The following C21orf91 variants were observed in gnomAD, a reference collection of about 807,000 sequenced individuals.
The protein encoded by C21orf91 is protein EURL homolog.
Under a neutral mutation model 32.9 loss-of-function variants are expected in C21orf91, and 26 were observed. The observed-to-expected ratio is 0.79, with a 90% CI of 0.58 to 1.10. The LOEUF (loss-of-function observed/expected upper bound fraction) is 1.10. C21orf91 is among the 50% of genes least tolerant of loss of function. The pLI, the probability that C21orf91 is intolerant of heterozygous loss-of-function variation, is 0.00. For synonymous variants in C21orf91, 126 were observed against 120.4 expected (o/e 1.05, Z -0.31); for missense variants, 310 against 341.3 (o/e 0.91, Z 0.72).
In C21orf91 at chr21:17,797,096, C is replaced by A; in HGVS notation, c.150G>T (p.Leu50Phe). 1 of 1,595,454 alleles carries A rather than the reference C, an allele frequency of 6.3e-7. No individual in the cohort carries two copies. The highest frequency in any genetic ancestry group is 8.5e-7 in the Non-Finnish European group (1 of 1,172,606). The part of the protein sequence containing the change: ...NIEGVPKSDL[L>F]HTKSLRGHKD... Reference sequence around the variant, plus strand: ...TATGGCCCCTTAATGATTTGGTGTGCAAGAGATCAGACTTTGGTACCCCTA... The same window carrying A: ...TATGGCCCCTTAATGATTTGGTGTGAAAGAGATCAGACTTTGGTACCCCTA... The change falls in exon 3 of 5, where the codon TTG becomes TTT. Residue 50 changes from leucine (L) to phenylalanine (F), a missense_variant. Physicochemically the swap from Leu to Phe is conservative, Grantham distance 22. Coordinates refer to ENST00000284881, the MANE Select transcript of C21orf91 (RefSeq NM_001100420.2).
rs1464382938 is a variant in C21orf91 at position 17,789,305 on chromosome 21, A to C, written c.*4110T>G. On this transcript the variant is annotated 3_prime_UTR_variant, in exon 5 of 5. Transcript: ENST00000284881. ...CACACACAAAATGGAACTGAACAAA[A>C]GTCACTACTTAATACTTTCTAAATT... 1 of 151,870 alleles carries C rather than the reference A, an allele frequency of 6.6e-6. No homozygotes were observed. The highest frequency in any genetic ancestry group is 1.5e-5 in the Non-Finnish European group (1 of 68,008). 9.4% of individuals were successfully genotyped at this position (151,870 alleles called of 1,614,324 possible). A position where few individuals can be genotyped will look rare whatever the true frequency, so the allele number is the denominator to read the frequency against.
rs1203570051 is a variant in C21orf91, at chr21:17,818,302, T to A, written c.17A>T (p.Gln6Leu). The stretch of plus-strand genomic sequence containing the variant: ...ATCATTCAAATCAATGTTTACAAAC[T>A]GCTCCTCTTCGTTCATAGTGCCCCT... MNEEE[Q>L]FVNIDLNDDN... The change falls in exon 2 of 5, where the codon CAG becomes CTG. Residue 6 changes from glutamine (Q) to leucine (L), a missense_variant. Coordinates refer to ENST00000284881, the MANE Select transcript of C21orf91 (RefSeq NM_001100420.2). 1 of 1,611,552 alleles carries A rather than the reference T, an allele frequency of 6.2e-7. No homozygotes were observed. Among genetic ancestry groups the A allele is most frequent in the Non-Finnish European group, 8.5e-7 (1 of 1,178,942 alleles).
chr21:17,805,521 C>T (rs1043606950), intron 2 of C21orf91, among the ~76,000 whole-genome samples: 2 of 152,140 alleles, frequency 1.3e-5, no homozygotes, highest in Non-Finnish European at 1.5e-5. Context: ...ACCATGTTGG[C>T]CAGGCTGGTC....
In C21orf91 at chr21:17,793,264, CTTTA is replaced by C. The variant is rs927772608; in HGVS notation, c.*147_*150del. On this transcript the variant is annotated 3_prime_UTR_variant, in exon 5 of 5. Transcript: ENST00000284881. ...TAGAAGACTAGAGTATAATGATCTGCTTTATTTGACAAAGATGTTAAATACTGCC... is the reference window on the plus strand; with the variant it reads ...TAGAAGACTAGAGTATAATGATCTGCTTTGACAAAGATGTTAAATACTGCC... The C allele has an allele frequency of 7.7e-6, 4 of 521,802 alleles. No homozygotes were observed. Among genetic ancestry groups the C allele is most frequent in the African/African-American group, 3.8e-5 (2 of 52,404 alleles). 32.3% of individuals were successfully genotyped at this position (521,802 alleles called of 1,614,324 possible).
At chr21:17,817,813 T>G (rs1033495798) in intron 2 of C21orf91, 1 of 157,112 alleles carries the variant, frequency 6.4e-6, no homozygotes, top group African/African-American at 2.4e-5. Context: ...ACTCAAATAC[T>G]TGCATAATAG....
intron 2 of C21orf91, among the ~76,000 whole-genome samples, chr21:17,801,817 T>C (rs2062563537): frequency 6.6e-6 from 1 of 151,620 alleles, no homozygotes; most frequent in African/African-American, 2.4e-5. Context: ...ATGTTCTGCA[T>C]GTATATCCCA....
At chr21:17,802,456 GAT>G (rs1379727150) in intron 2 of C21orf91, among the ~76,000 whole-genome samples, 8 of 152,136 alleles carry the variant, frequency 5.3e-5, no homozygotes, top group African/African-American at 1.9e-4. Context: ...GTAATCCTGG[GAT>G]CACAGTGGCG....
intron 2 of C21orf91, among the ~76,000 whole-genome samples, chr21:17,817,250 C>T (rs1165544851): frequency 1.3e-5 from 2 of 152,152 alleles, no homozygotes; most frequent in South Asian, 4.1e-4. Flanking sequence ...TTCTGAATAA[C>T]AAGTCCTAAC....
chr21:17,810,792 A>G (rs780533596), intron 2 of C21orf91: 1 of 152,122 alleles, frequency 6.6e-6, no homozygotes, highest in Non-Finnish European at 1.5e-5. Flanking sequence ...TTTTCTTCCT[A>G]GCTCCTCCCA....
chr21:17,816,751 G>C (rs1219361048), intron 2 of C21orf91, among the ~76,000 whole-genome samples: 1 of 152,204 alleles, frequency 6.6e-6, no homozygotes, highest in Non-Finnish European at 1.5e-5. Flanking sequence ...ACAACAGCTT[G>C]CCATCACCAC....
chr21:17,803,507 C>A (rs1408314583), intron 2 of C21orf91, among the ~76,000 whole-genome samples: 1 of 152,038 alleles, frequency 6.6e-6, no homozygotes, highest in Non-Finnish European at 1.5e-5. Context: ...AGAGTGAGAC[C>A]CTGTGTCTTA....
chr21:17,817,496 T>C (rs561085493), intron 2 of C21orf91, among the ~76,000 whole-genome samples: 18 of 152,106 alleles, frequency 1.2e-4, no homozygotes, highest in Non-Finnish European at 2.1e-4. Context: ...TGCAGGAATA[T>C]TAAGGTTTTT....
chr21:17,813,471 G>A (rs1215539077), intron 2 of C21orf91, among the ~76,000 whole-genome samples: 2 of 152,160 alleles, frequency 1.3e-5, no homozygotes, highest in African/African-American at 2.4e-5. Context: ...GATTGCTAAG[G>A]AGCTGACTTT....
In C21orf91 at chr21:17,794,929, A is replaced by AATGGCGCACC. The variant is rs112813120; in HGVS notation, c.727+278_727+279insGGTGCGCCAT. Among the ~76,000 whole-genome samples the AATGGCGCACC allele has an allele frequency of 2.4e-3, 369 of 151,830 alleles. 9 individuals carry two copies. The East Asian group carries it at 0.067, about 28-fold the overall frequency. On this transcript the variant is annotated intron_variant, in intron 4 of 4. Coordinates refer to ENST00000284881, the MANE Select transcript of C21orf91 (RefSeq NM_001100420.2). ...AAAAAATAGAAAATTAGCTGGGTGT[A>AATGGCGCACC]ATGACAGTAAGTCCCAGCTACTCGG...
In C21orf91 at chr21:17,796,576, A is replaced by T; in HGVS notation, c.664+6T>A. The T allele has an allele frequency of 6.3e-7, 1 of 1,593,020 alleles. No homozygotes were observed. The highest frequency in any genetic ancestry group is 8.6e-7 in the Non-Finnish European group (1 of 1,168,274). Reference sequence around the variant, plus strand: ...CAACTTTTACTTTTCTCCCCATTTTACTTACATTCCTCTCTGCTGTAATGT... The same window carrying T: ...CAACTTTTACTTTTCTCCCCATTTTTCTTACATTCCTCTCTGCTGTAATGT... On this transcript the variant is annotated splice_donor_region_variant and intron_variant, in intron 3 of 4. Coordinates refer to ENST00000284881, the MANE Select transcript of C21orf91 (RefSeq NM_001100420.2).
chr21:17,819,000 C>T (rs2298674), intron 1 of C21orf91: 35,294 of 152,144 alleles, frequency 0.23, 4,441 homozygotes, highest in East Asian at 0.39. Flanking sequence ...GGCGGGAGAG[C>T]CTCGTCCCAT....
At position 17,817,091 on chromosome 21, in the gene C21orf91, T is replaced by C. The variant is rs140242398; in HGVS notation, c.127+1101A>G. On this transcript the variant is annotated intron_variant, in intron 2 of 4. Transcript: ENST00000284881. ...ACCTTAACCTCTGGAGTAGCTGAGA[T>C]TGTAGGAACACACCACTGTTCCTGT... is the stretch of plus-strand genomic sequence containing the variant. 8.1e-3 allele frequency among the ~76,000 whole-genome samples: 1,241 copies of C among 152,302 alleles called. 19 individuals carry two copies. Among genetic ancestry groups the C allele is most frequent in the African/African-American group, 0.026 (1,060 of 41,558 alleles).
chr21:17,796,581 C>T lies in C21orf91; in HGVS notation c.664+1G>A, dbSNP rs770891578. 25 of 1,596,870 alleles carry T rather than the reference C, an allele frequency of 1.6e-5. No homozygotes were observed. The highest frequency in any genetic ancestry group is 1.4e-5 in the African/African-American group (1 of 74,068). On this transcript the variant is annotated splice_donor_variant, in intron 3 of 4. Transcript: ENST00000284881. LOFTEE classifies it high-confidence loss of function. ...TTTACTTTTCTCCCCATTTTACTTA[C>T]ATTCCTCTCTGCTGTAATGTGGATG... is the stretch of plus-strand genomic sequence containing the variant.
chr21:17,796,560 CT>C (rs2062519357), intron 3 of C21orf91, 21 bp downstream of exon 3: 3 of 1,580,330 alleles, frequency 1.9e-6, no homozygotes, highest in South Asian at 2.3e-5. Flanking sequence ...CCAACTTTTA[CT>C]TTTCTCCCCA....
Sources: gnomAD v4.1 joint callset for allele counts (sites outside exome capture counted in the v4.1 genomes callset) on GRCh38, gnomAD v4.1.1 for gene constraint, MANE v1.5 for transcripts, NCBI Gene and HGNC (gene_info 2026-07-23, HGNC 2026-07-21) for gene names.